The following WLS variants were observed in gnomAD, a reference collection of about 807,000 sequenced individuals.
WLS encodes the protein Wnt ligand secretion mediator.
Under a neutral mutation model 62.8 loss-of-function variants are expected in WLS, and 23 were observed. The ratio of observed to expected loss-of-function variants is 0.37; its 90% CI spans 0.26 to 0.52. The LOEUF is 0.52. WLS is among the 20% of genes least tolerant of loss of function. The pLI is 0.92. For missense variants in WLS, 615 were observed against 697.3 expected (o/e 0.88, Z 1.33); for synonymous variants, 246 against 244.1 (o/e 1.01, Z -0.07).
At chr1:68,140,262 C>A (rs1646667171) in intron 10 of WLS, among the ~76,000 whole-genome samples, 1 of 152,126 alleles carries the variant, frequency 6.6e-6, no homozygotes, top group Non-Finnish European at 1.5e-5. Flanking sequence ...GTATTCTTAA[C>A]CATTATACAA....
At chr1:68,106,143 G>A (rs551130251) in intron 11 of WLS, among the ~76,000 whole-genome samples, 1 of 152,218 alleles carries the variant, frequency 6.6e-6, no homozygotes, top group East Asian at 1.9e-4. Context: ...AACTCCCATA[G>A]CAATGCTCTA....
chr1:68,210,388 T>C (rs1050847144), intron 1 of WLS, among the ~76,000 whole-genome samples: 3 of 152,168 alleles, frequency 2.0e-5, no homozygotes, highest in African/African-American at 7.2e-5. Context: ...AAGTGAAGCA[T>C]ACATTCAAGA....
intron 1 of WLS, among the ~76,000 whole-genome samples, chr1:68,201,195 G>A (rs1648995517): frequency 1.3e-5 from 2 of 152,126 alleles, no homozygotes; most frequent in African/African-American, 4.8e-5. Context: ...GCTGAGCTGT[G>A]AGGTCTTATG....
At chr1:68,215,570 T>G (rs1649692698) in intron 1 of WLS, among the ~76,000 whole-genome samples, 2 of 152,076 alleles carry the variant, frequency 1.3e-5, no homozygotes, top group Non-Finnish European at 2.9e-5. Context: ...CTAAGATAAA[T>G]TCACAAAAGT....
intron 2 of WLS, among the ~76,000 whole-genome samples, chr1:68,193,020 A>T (rs1214901943): frequency 6.6e-6 from 1 of 151,262 alleles, no homozygotes; most frequent in Non-Finnish European, 1.5e-5. Flanking sequence ...GAGGCAGGAG[A>T]ATCACTTGAA....
chr1:68,166,039 A>G (rs1412169460), intron 2 of WLS, among the ~76,000 whole-genome samples: 1 of 152,208 alleles, frequency 6.6e-6, no homozygotes, highest in African/African-American at 2.4e-5. Context: ...TCCTCAAAGG[A>G]AAAACTATTT....
In WLS at chr1:68,126,006, TTTTG is replaced by T. The variant is rs547980888; in HGVS notation, c.*216_*219del. On this transcript the variant is annotated 3_prime_UTR_variant, in exon 12 of 12. Coordinates refer to ENST00000262348, the MANE Select transcript of WLS (RefSeq NM_024911.7). Reference sequence around the variant, plus strand: ...CACAGAAAATGTGTCATACCAGAGTTTTTGTTATCATACACAATGCATTAGTGGC... The same window carrying T: ...CACAGAAAATGTGTCATACCAGAGTTTTATCATACACAATGCATTAGTGGC... 1.0e-5 allele frequency: 14 copies of T among 1,356,880 alleles called. No individual in the cohort carries two copies. In the African/African-American group the frequency reaches 1.8e-4, roughly 17 times the overall value. The allele number at this position is 1,356,880 out of a possible 1,614,324, so 84.1% of individuals were successfully genotyped here. A position where few individuals can be genotyped will look rare whatever the true frequency, so the allele number is the denominator to read the frequency against.
intron 2 of WLS, among the ~76,000 whole-genome samples, chr1:68,176,755 A>G (rs1647275757): frequency 6.6e-6 from 1 of 152,226 alleles, no homozygotes; most frequent in South Asian, 2.1e-4. Flanking sequence ...TTTCTCACCT[A>G]GAAATCACTT....
chr1:68,231,702 C>T (rs1302558105), intron 1 of WLS: 1 of 457,846 alleles, frequency 2.2e-6, no homozygotes, highest in African/African-American at 2.0e-5. Context: ...GCATTTACAA[C>T]CGTGCAAGTA....
chr1:68,137,582 TAAAG>T (rs959139394), intron 11 of WLS, among the ~76,000 whole-genome samples, 194 bp downstream of exon 11: 3 of 152,198 alleles, frequency 2.0e-5, no homozygotes, highest in Non-Finnish European at 4.4e-5. Context: ...AATGAGGACT[TAAAG>T]AAAGATCTGG....
intron 11 of WLS, among the ~76,000 whole-genome samples, chr1:68,130,545 C>G (rs571633070): frequency 6.6e-6 from 1 of 152,300 alleles, no homozygotes; most frequent in East Asian, 1.9e-4. Flanking sequence ...TCCTATTCAC[C>G]TTCAAAGCTA....
intron 2 of WLS, among the ~76,000 whole-genome samples, chr1:68,176,715 A>T (rs1456140221): frequency 6.6e-6 from 1 of 152,232 alleles, no homozygotes; most frequent in Admixed American, 6.5e-5. Flanking sequence ...AGAGCATTTC[A>T]TGATAGAAAA....
intron 1 of WLS, among the ~76,000 whole-genome samples, chr1:68,214,539 A>AT (rs1011728138): frequency 1.3e-5 from 2 of 151,908 alleles, no homozygotes; most frequent in Non-Finnish European, 2.9e-5. Flanking sequence ...TAATTTTTGT[A>AT]TTTTTTAATA....
downstream of WLS, among the ~76,000 whole-genome samples, chr1:68,120,717 T>TGC (rs56751724): frequency 9.9e-4 from 144 of 145,814 alleles, no homozygotes; most frequent in African/African-American, 3.6e-3. Context: ...TGTGTGTGTG[T>TGC]GCGCGCGCGC....
chr1:68,125,312 C>G (rs1211176692), downstream of WLS: 8 of 985,108 alleles, frequency 8.1e-6, no homozygotes, highest in African/African-American at 1.4e-4. Context: ...CCCCCATCAA[C>G]TCCCCACCTC....
chr1:68,195,807 A>G (rs1246537737), intron 1 of WLS, among the ~76,000 whole-genome samples: 2 of 151,950 alleles, frequency 1.3e-5, no homozygotes, highest in Non-Finnish European at 2.9e-5. Flanking sequence ...ATTTTTTGCA[A>G]TTTCATTTTT....
intron 5 of WLS, among the ~76,000 whole-genome samples, chr1:68,151,940 T>C (rs970344062): frequency 6.6e-5 from 10 of 152,078 alleles, no homozygotes; most frequent in African/African-American, 2.4e-4. Context: ...AGGAAAGGGG[T>C]TGCGAGGCTG....
At chr1:68,229,760 T>C (rs1338651048) in intron 1 of WLS, among the ~76,000 whole-genome samples, 1 of 152,192 alleles carries the variant, frequency 6.6e-6, no homozygotes, top group Non-Finnish European at 1.5e-5. Flanking sequence ...GCTAAGTCAC[T>C]GTTCAACATG....
intron 2 of WLS, among the ~76,000 whole-genome samples, chr1:68,167,388 C>G (rs1374250005): frequency 7.2e-5 from 11 of 152,114 alleles, no homozygotes; most frequent in Non-Finnish European, 1.2e-4. Flanking sequence ...CTCCAGTGGA[C>G]TTGGAAATAA....
Sources: gnomAD v4.1 joint callset for allele counts (sites outside exome capture counted in the v4.1 genomes callset) on GRCh38, gnomAD v4.1.1 for gene constraint, MANE v1.5 for transcripts, NCBI Gene and HGNC (gene_info 2026-07-23, HGNC 2026-07-21) for gene names.